PDE4D: variants seen among roughly 807,000 people sequenced by gnomAD.
PDE4D encodes the protein 3',5'-cyclic-AMP phosphodiesterase 4D.
A neutral mutation model predicts 87.4 loss-of-function variants in PDE4D; 24 were observed. The observed-to-expected ratio is 0.27, with a 90% confidence interval of 0.20 to 0.39. PDE4D has a LOEUF of 0.39. PDE4D is among the 10% of genes least tolerant of loss of function. The pLI, the probability that PDE4D is intolerant of heterozygous loss-of-function variation, is 1.00. For missense variants in PDE4D, 714 were observed against 1,041.0 expected, an observed-to-expected ratio of 0.69 and a Z score of 4.32; for synonymous variants, 384 against 383.2, an observed-to-expected ratio of 1.00 and a Z score of -0.02.
chr5:59,252,700 A>T (rs1760201213), intron 1 of PDE4D, among the ~76,000 whole-genome samples: 1 of 151,802 alleles, frequency 6.6e-6, no homozygotes, highest in Non-Finnish European at 1.5e-5. Flanking sequence ...TTTTAAAAAT[A>T]TTTTTTTGTA....
chr5:60,138,940 T>G (rs999033375), intron 2 of PDE4D, among the ~76,000 whole-genome samples: 4 of 152,138 alleles, frequency 2.6e-5, no homozygotes, highest in East Asian at 1.9e-4. Context: ...TTTGGTTTTT[T>G]GGGGTTTTTT....
intron 2 of PDE4D, among the ~76,000 whole-genome samples, chr5:60,121,244 T>C (rs988934376): frequency 6.6e-6 from 1 of 151,944 alleles, no homozygotes; most frequent in Admixed American, 6.6e-5. Flanking sequence ...TAGAGAACCC[T>C]GACTAACACA....
intron 1 of PDE4D, among the ~76,000 whole-genome samples, chr5:59,380,127 T>A (rs1823066): frequency 0.3 from 45,287 of 151,982 alleles, 6,999 homozygotes; most frequent in Middle Eastern, 0.45. Flanking sequence ...AATTAGTTCA[T>A]AAATCAATGT....
chr5:59,121,867 G>A (rs1012163751), intron 5 of PDE4D, among the ~76,000 whole-genome samples: 1 of 152,120 alleles, frequency 6.6e-6, no homozygotes, highest in African/African-American at 2.4e-5. Flanking sequence ...TATACGGCCA[G>A]GCACAGTGGC....
At chr5:60,086,272 T>C (rs1774524629) in intron 2 of PDE4D, among the ~76,000 whole-genome samples, 1 of 152,242 alleles carries the variant, frequency 6.6e-6, no homozygotes, top group Non-Finnish European at 1.5e-5. Context: ...ATTTTTAAAA[T>C]ACTATTTAGG....
At chr5:59,374,249 C>T (rs151140278) in intron 1 of PDE4D, among the ~76,000 whole-genome samples, 29 of 152,190 alleles carry the variant, frequency 1.9e-4, no homozygotes, top group East Asian at 3.9e-4. Context: ...GATAAAGAAT[C>T]GAGACTCACT....
At chr5:60,433,251 C>T (rs868498614) in intron 1 of PDE4D, among the ~76,000 whole-genome samples, 7 of 152,174 alleles carry the variant, frequency 4.6e-5, no homozygotes, top group Middle Eastern at 3.4e-3. Context: ...AACAAACAAG[C>T]CCATTAAAAA....
intron 2 of PDE4D, among the ~76,000 whole-genome samples, chr5:60,034,807 T>C (rs1315725212): frequency 3.9e-5 from 6 of 152,142 alleles, no homozygotes; most frequent in Non-Finnish European, 4.4e-5. Context: ...ATGAGAAATA[T>C]TATGGGTGAG....
intron 2 of PDE4D, among the ~76,000 whole-genome samples, chr5:60,041,714 C>T (rs568428985): frequency 2.0e-5 from 3 of 152,238 alleles, no homozygotes; most frequent in African/African-American, 7.2e-5. Context: ...GGAACTCCCT[C>T]CTCTAGCCAA....
chr5:59,450,804 T>A (rs982684588), intron 1 of PDE4D, among the ~76,000 whole-genome samples: 1 of 152,142 alleles, frequency 6.6e-6, no homozygotes, highest in Non-Finnish European at 1.5e-5. Context: ...CTCGGGCAAA[T>A]CCTTCCACCT....
chr5:59,592,177 T>C (rs1015067191), intron 1 of PDE4D: 36 of 975,974 alleles, frequency 3.7e-5, no homozygotes, highest in Middle Eastern at 5.3e-4. Flanking sequence ...TGTCTTCTTC[T>C]CTATATTTAT....
At chr5:60,359,282 C>G (rs867319599) in intron 1 of PDE4D, among the ~76,000 whole-genome samples, 1 of 152,262 alleles carries the variant, frequency 6.6e-6, no homozygotes, top group African/African-American at 2.4e-5. Context: ...GTGGCACAAG[C>G]CTGTGATCCC....
chr5:59,650,148 C>T (rs1321012561), intron 1 of PDE4D, among the ~76,000 whole-genome samples: 1 of 151,756 alleles, frequency 6.6e-6, no homozygotes, highest in African/African-American at 2.4e-5. Context: ...ATATTCAGTA[C>T]TTTCCCTCTC....
At chr5:59,563,123 G>A (rs1820316754) in intron 1 of PDE4D, among the ~76,000 whole-genome samples, 1 of 152,264 alleles carries the variant, frequency 6.6e-6, no homozygotes. Context: ...TCTGGGCATT[G>A]CCAGGTCACC....
intron 1 of PDE4D, among the ~76,000 whole-genome samples, chr5:60,315,181 A>G (rs867931198): frequency 1.1e-4 from 16 of 152,092 alleles, no homozygotes; most frequent in South Asian, 1.0e-3. Flanking sequence ...CACCATTCTA[A>G]CTGGTGTGAG....
At chr5:59,039,058 C>A in intron 5 of PDE4D, 87 bp from the exon 6 acceptor site, 3 of 1,512,878 alleles carry the variant, frequency 2.0e-6, no homozygotes, top group Non-Finnish European at 2.7e-6. Context: ...CCTGCCATAC[C>A]CCGCCATGCT....
At chr5:59,989,791 A>T (rs940363757) in intron 2 of PDE4D, among the ~76,000 whole-genome samples, 2 of 152,278 alleles carry the variant, frequency 1.3e-5, no homozygotes, top group East Asian at 3.9e-4. Flanking sequence ...ATATCCACAT[A>T]CTGAGAATTA....
intron 1 of PDE4D, among the ~76,000 whole-genome samples, chr5:60,419,278 G>GA (rs1742888021): frequency 6.6e-6 from 1 of 151,882 alleles, no homozygotes; most frequent in African/African-American, 2.4e-5. Context: ...ATAAAACTGA[G>GA]TATCATGTAG....
Position 59,407,988 on chromosome 5 carries a change from C to T in PDE4D, c.456-192020G>A, listed in dbSNP as rs893496627. On this transcript the variant is annotated intron_variant, in intron 1 of 14. Transcript: ENST00000340635. ...TAGCTATGTGATAGAAAATAAAAGG[C>T]CATTTTTGGGGAGGAATTCAAGCAG... 4.9e-4 allele frequency among the ~76,000 whole-genome samples: 75 copies of T among 152,138 alleles called. 1 individual carries two copies. The highest frequency in any genetic ancestry group is 1.8e-3 in the African/African-American group (74 of 41,414).
Sources: gnomAD v4.1 joint callset for allele counts (sites outside exome capture counted in the v4.1 genomes callset) on GRCh38, gnomAD v4.1.1 for gene constraint, MANE v1.5 for transcripts, NCBI Gene and HGNC (gene_info 2026-07-23, HGNC 2026-07-21) for gene names.